Variants in SLCO5A1 observed in about 807,000 individuals in gnomAD.
SLCO5A1 encodes solute carrier organic anion transporter family member 5A1.
SLCO5A1 carries 39 observed loss-of-function variants against 65.1 expected under a neutral mutation model. The observed-to-expected ratio is 0.60, with a 90% confidence interval of 0.46 to 0.78. The LOEUF (loss-of-function observed/expected upper bound fraction) is 0.78. Among genes scored for constraint, SLCO5A1 ranks in the 30% least tolerant of loss-of-function variants. The pLI is 0.00. For missense variants in SLCO5A1, 1,029 were observed against 1,069.4 expected (o/e 0.96, Z 0.53); for synonymous variants, 438 against 415.7 (o/e 1.05, Z -0.65).
chr8:69,706,698 G>A (rs1048575992), intron 5 of SLCO5A1, among the ~76,000 whole-genome samples: 17 of 152,208 alleles, frequency 1.1e-4, no homozygotes, highest in African/African-American at 4.1e-4. Context: ...CCAGAACTGT[G>A]AGAAATAAAT....
chr8:69,787,358 C>T (rs1819076645), intron 2 of SLCO5A1, among the ~76,000 whole-genome samples: 1 of 152,196 alleles, frequency 6.6e-6, no homozygotes, highest in Non-Finnish European at 1.5e-5. Flanking sequence ...CCGAAAGAAG[C>T]TGTTAGTTTT....
chr8:69,746,263 T>C (rs548815834), intron 4 of SLCO5A1, among the ~76,000 whole-genome samples: 2 of 152,210 alleles, frequency 1.3e-5, no homozygotes, highest in East Asian at 3.8e-4. Flanking sequence ...TTAGGATAGA[T>C]ATTGCCAGGC....
chr8:69,687,632 A>G (rs1814059448), intron 6 of SLCO5A1, among the ~76,000 whole-genome samples: 1 of 152,166 alleles, frequency 6.6e-6, no homozygotes, highest in Non-Finnish European at 1.5e-5. Flanking sequence ...AAAGACAAAA[A>G]AATTAAACTC....
At chr8:69,827,458 C>T (rs936838702) in intron 2 of SLCO5A1, among the ~76,000 whole-genome samples, 2 of 152,194 alleles carry the variant, frequency 1.3e-5, no homozygotes, top group Admixed American at 6.5e-5. Flanking sequence ...ATCTCATCTA[C>T]GACCACATCT....
At chr8:69,730,485 C>T (rs1008703057) in intron 5 of SLCO5A1, among the ~76,000 whole-genome samples, 2 of 152,096 alleles carry the variant, frequency 1.3e-5, no homozygotes, top group South Asian at 4.1e-4. Flanking sequence ...GACTAGAAAA[C>T]AGACCTGGAG....
rs147290851 is a variant in SLCO5A1 at position 69,756,257 on chromosome 8, T to C, written c.1041-616A>G. On this transcript the variant is annotated intron_variant, in intron 3 of 9. Transcript: ENST00000260126. ...CTGTCTCTACTAGAAATACAAAAAT[T>C]AGCCAGGTGTGGTGGTGGGCACCTG... Among the ~76,000 whole-genome samples, 440 of 152,044 alleles carry C rather than the reference T, an allele frequency of 2.9e-3. 5 individuals carry two copies. Among genetic ancestry groups the C allele is most frequent in the East Asian group, 0.026 (134 of 5,170 alleles).
intron 4 of SLCO5A1, among the ~76,000 whole-genome samples, chr8:69,740,442 G>C (rs960495369): frequency 4.6e-5 from 7 of 152,178 alleles, no homozygotes; most frequent in Non-Finnish European, 8.8e-5. Flanking sequence ...TGGAGGTACT[G>C]GTATGAATTC....
intron 8 of SLCO5A1, 82 bp from the exon 9 acceptor site, chr8:69,676,755 G>A: frequency 8.2e-7 from 1 of 1,226,054 alleles, no homozygotes; most frequent in Non-Finnish European, 1.2e-6. Flanking sequence ...GCTTTGTGCA[G>A]AGCCAGGGAC....
chr8:69,796,674 T>C (rs191894097), intron 2 of SLCO5A1, among the ~76,000 whole-genome samples: 7 of 151,632 alleles, frequency 4.6e-5, no homozygotes, highest in African/African-American at 1.7e-4. Context: ...ATATATTATA[T>C]ATGTATATAT....
At chr8:69,788,962 G>T (rs866223957) in intron 2 of SLCO5A1, among the ~76,000 whole-genome samples, 2 of 152,172 alleles carry the variant, frequency 1.3e-5, no homozygotes, top group African/African-American at 4.8e-5. Flanking sequence ...TGGAATCCAC[G>T]TCTACTGTGC....
rs1813416116 is a variant in SLCO5A1, at chr8:69,673,385, G to C, written c.2090-59C>G. On this transcript the variant is annotated intron_variant, in intron 9 of 9. Coordinates refer to ENST00000260126, the MANE Select transcript of SLCO5A1 (RefSeq NM_030958.3). ...TTAGCACATCTTCCAAGGGAAAACA[G>C]GTTTGTAAATTAGCAAGGTACTTGT... 6 of 1,453,410 alleles carry C rather than the reference G, an allele frequency of 4.1e-6. No homozygotes were observed. The South Asian group carries it at 7.3e-5, about 18-fold the overall frequency. The allele number at this position is 1,453,410 out of a possible 1,614,324, so 90.0% of individuals were successfully genotyped here. A position where few individuals can be genotyped will look rare whatever the true frequency, so the allele number is the denominator to read the frequency against.
At chr8:69,692,954 A>T (rs1814337478) in intron 6 of SLCO5A1, among the ~76,000 whole-genome samples, 1 of 152,214 alleles carries the variant, frequency 6.6e-6, no homozygotes, top group Non-Finnish European at 1.5e-5. Context: ...CTTATTATCA[A>T]GTTCTATGTA....
chr8:69,673,277 G>A lies in SLCO5A1; in HGVS notation c.2139C>T (p.Cys713=), dbSNP rs757977367. 1.9e-6 allele frequency: 3 copies of A among 1,614,254 alleles called. No homozygotes were observed. Among genetic ancestry groups the A allele is most frequent in the East Asian group, 4.5e-5 (2 of 44,884 alleles). Residue 713 remains cysteine, a synonymous_variant, in exon 10 of 10, where the codon TGC becomes TGT. Coordinates refer to ENST00000260126, the MANE Select transcript of SLCO5A1 (RefSeq NM_030958.3). ...CACCACATTCCTGTTGCCAGAGCAT[G>A]CAGGTGGTGTCAATGACTGCTCCAA... is the stretch of plus-strand genomic sequence containing the variant. ...IYFGAVIDTT[C]MLWQQECGVQ...
chr8:69,826,529 A>G (rs1462522233), intron 2 of SLCO5A1, among the ~76,000 whole-genome samples: 2 of 152,228 alleles, frequency 1.3e-5, no homozygotes, highest in East Asian at 3.8e-4. Context: ...CACACGAAAA[A>G]ATGCTCACCA....
At chr8:69,730,172 G>C (rs961700984) in intron 5 of SLCO5A1, among the ~76,000 whole-genome samples, 3 of 152,228 alleles carry the variant, frequency 2.0e-5, no homozygotes, top group Non-Finnish European at 4.4e-5. Flanking sequence ...CCTACATCTA[G>C]TTAAGTCACA....
intron 5 of SLCO5A1, among the ~76,000 whole-genome samples, chr8:69,709,346 G>A (rs1815120306): frequency 1.3e-5 from 2 of 152,206 alleles, no homozygotes; most frequent in Admixed American, 1.3e-4. Flanking sequence ...AGATCCTTGA[G>A]AAGTCAGGAT....
At chr8:69,735,313 T>A (rs1319340635) in intron 5 of SLCO5A1, among the ~76,000 whole-genome samples, 3 of 152,152 alleles carry the variant, frequency 2.0e-5, no homozygotes, top group African/African-American at 7.2e-5. Flanking sequence ...AGCGATCCCA[T>A]TACTGGGGAT....
At chr8:69,716,580 A>G (rs1434361025) in intron 5 of SLCO5A1, among the ~76,000 whole-genome samples, 1 of 152,176 alleles carries the variant, frequency 6.6e-6, no homozygotes, top group Non-Finnish European at 1.5e-5. Context: ...AACAAGGTTG[A>G]GCATCTTTCC....
chr8:69,781,573 A>T (rs113238837), intron 2 of SLCO5A1, among the ~76,000 whole-genome samples: 2,654 of 152,252 alleles, frequency 0.017, 71 homozygotes, highest in African/African-American at 0.061. Context: ...TAAGGCCTTT[A>T]TATGTATTTT....
Sources: allele counts gnomAD v4.1 joint callset (sites outside exome capture counted in the v4.1 genomes callset), GRCh38; gene constraint gnomAD v4.1.1; transcripts MANE v1.5; gene names NCBI Gene and HGNC (gene_info 2026-07-23, HGNC 2026-07-21).